The following LRRC8C variants were observed in gnomAD, a reference collection of about 807,000 sequenced individuals.
The protein encoded by LRRC8C is volume-regulated anion channel subunit LRRC8C.
A neutral mutation model predicts 55.3 loss-of-function variants in LRRC8C; 20 were observed. The ratio of observed to expected loss-of-function variants is 0.36; its 90% confidence interval spans 0.25 to 0.53. LRRC8C has a LOEUF of 0.53. Among genes scored for constraint, LRRC8C ranks in the 20% least tolerant of loss-of-function variants. The pLI, the probability that LRRC8C is intolerant of heterozygous loss-of-function variation, is 0.92. For synonymous variants in LRRC8C, 376 were observed against 360.7 expected (o/e 1.04, Z -0.48); for missense variants, 659 against 951.4 (o/e 0.69, Z 4.04).
intron 1 of LRRC8C, among the ~76,000 whole-genome samples, chr1:89,659,055 TTTTTTTTGTGTGTG>T (rs773971164): frequency 0.16 from 17,568 of 110,926 alleles, 1,745 homozygotes; most frequent in Middle Eastern, 0.26. Flanking sequence ...CAGGTTTTTT[TTTTTTTTGTGTGTG>T]TGTGTGTGTG....
At chr1:89,678,593 G>A (rs894528968) in intron 1 of LRRC8C, among the ~76,000 whole-genome samples, 2 of 151,888 alleles carry the variant, frequency 1.3e-5, no homozygotes, top group South Asian at 2.1e-4. Flanking sequence ...CCAGCTACTC[G>A]GGAGACTGAG....
intron 2 of LRRC8C, among the ~76,000 whole-genome samples, chr1:89,708,906 A>C (rs1423963014): frequency 6.6e-6 from 1 of 152,190 alleles, no homozygotes; most frequent in East Asian, 1.9e-4. Context: ...GTGTTCCCTC[A>C]GCAACATGAG....
chr1:89,683,625 G>C (rs1379354788), intron 1 of LRRC8C, among the ~76,000 whole-genome samples: 1 of 151,972 alleles, frequency 6.6e-6, no homozygotes, highest in East Asian at 1.9e-4. Flanking sequence ...CAAAGTGCTG[G>C]GATTACAGGT....
rs1286498371 is a variant in LRRC8C at position 89,639,161 on chromosome 1, C to G, written c.-5+5839C>G. On this transcript the variant is annotated intron_variant, in intron 1 of 2. Coordinates refer to ENST00000370454, the MANE Select transcript of LRRC8C (RefSeq NM_032270.5). The stretch of plus-strand genomic sequence containing the variant: ...CCACCACGTCTGGCTAATTTTTTGT[C>G]TTTTTAGTAGAGATAGGGTTTCACC... 2.6e-5 allele frequency among the ~76,000 whole-genome samples: 4 copies of G among 151,524 alleles called. No individual in the cohort carries two copies. In the East Asian group the frequency reaches 5.8e-4, roughly 22 times the overall value.
chr1:89,713,152 C>T lies in LRRC8C; in HGVS notation c.582C>T (p.Asn194=), dbSNP rs142399220. 77 of 1,614,064 alleles carry T rather than the reference C, an allele frequency of 4.8e-5. No individual in the cohort carries two copies. Among genetic ancestry groups the T allele is most frequent in the Middle Eastern group, 1.6e-4 (1 of 6,084 alleles). ...EEKDNRKNNM[N]RSNTIQSGPE... ...AGGACAACAGGAAGAACAACATGAACAGGTCCAACACCATCCAATCTGGTC... is the reference window on the plus strand; with the variant it reads ...AGGACAACAGGAAGAACAACATGAATAGGTCCAACACCATCCAATCTGGTC... The change falls in exon 3 of 3, where the codon AAC becomes AAT. Residue 194 remains asparagine, a synonymous_variant. Coordinates refer to ENST00000370454, the MANE Select transcript of LRRC8C (RefSeq NM_032270.5). The surrounding 1 kb of genome is among the most constrained non-coding windows in gnomAD (Gnocchi z 5.2).
chr1:89,699,951 A>G (rs769097987), intron 2 of LRRC8C, among the ~76,000 whole-genome samples: 43 of 152,210 alleles, frequency 2.8e-4, no homozygotes, highest in Admixed American at 1.4e-3. Flanking sequence ...AGTTAATTCT[A>G]TCACTGATGA....
In LRRC8C at chr1:89,709,711, T is replaced by G. The variant is rs868530325; in HGVS notation, c.139-2998T>G. On this transcript the variant is annotated intron_variant, in intron 2 of 2. Coordinates refer to ENST00000370454, the MANE Select transcript of LRRC8C (RefSeq NM_032270.5). ...TTGCTTTTACCTGATTCCTCTGTGT[T>G]TTTTTGTTTTGTTTTGTTTTTTGTG... 3.3e-5 allele frequency among the ~76,000 whole-genome samples: 5 copies of G among 151,922 alleles called. No homozygotes were observed. In the South Asian group the frequency reaches 1.0e-3, roughly 32 times the overall value.
intron 1 of LRRC8C, among the ~76,000 whole-genome samples, chr1:89,649,533 A>G (rs960805524): frequency 6.6e-6 from 1 of 151,666 alleles, no homozygotes; most frequent in African/African-American, 2.4e-5. Context: ...TTTTTTTAAG[A>G]TTTTCTTATT....
At chr1:89,662,219 T>C (rs1570704693) in intron 1 of LRRC8C, among the ~76,000 whole-genome samples, 1 of 152,218 alleles carries the variant, frequency 6.6e-6, no homozygotes, top group East Asian at 1.9e-4. Context: ...TGTTGGGTCA[T>C]ATTCAAAGCC....
At chr1:89,694,858 G>C (rs1658126943) in intron 2 of LRRC8C, among the ~76,000 whole-genome samples, 1 of 150,840 alleles carries the variant, frequency 6.6e-6, no homozygotes, top group Admixed American at 6.6e-5. Context: ...AAAGTGCTGG[G>C]AGCCCAGCCC....
intron 1 of LRRC8C, among the ~76,000 whole-genome samples, chr1:89,648,927 C>T (rs1440779250): frequency 4.6e-5 from 7 of 152,182 alleles, no homozygotes. Flanking sequence ...ACTTCTTTGT[C>T]AAATAATATT....
At position 89,719,176 on chromosome 1, in the gene LRRC8C, G is replaced by C. The variant is rs1658904730; in HGVS notation, c.*4194G>C. 6.6e-6 allele frequency: 1 copy of C among 152,098 alleles called. No individual in the cohort carries two copies. Among genetic ancestry groups the C allele is most frequent in the African/African-American group, 2.4e-5 (1 of 41,438 alleles). 9.4% of individuals were successfully genotyped at this position (152,098 alleles called of 1,614,324 possible). ...CCTTGAAAGGGGGGTATATAAATTT[G>C]GAAAACTTAATTTCTTGGCTGTGTT... On this transcript the variant is annotated 3_prime_UTR_variant, in exon 3 of 3. Transcript: ENST00000370454.
intron 1 of LRRC8C, among the ~76,000 whole-genome samples, chr1:89,668,910 T>G (rs1354207532): frequency 6.6e-6 from 1 of 152,228 alleles, no homozygotes; most frequent in East Asian, 1.9e-4. Context: ...TTTTTGTTTC[T>G]TCTGTTTTTA....
At chr1:89,633,076 G>C (rs1656158777), upstream of LRRC8C, 1 of 152,162 alleles carries the variant, frequency 6.6e-6, no homozygotes, top group Non-Finnish European at 1.5e-5. Context: ...GGCTCCGTCC[G>C]CGGCCGGGGA....
rs539832243 is a variant in LRRC8C, at chr1:89,703,163, A to G, written c.139-9546A>G. 2.1e-3 allele frequency among the ~76,000 whole-genome samples: 315 copies of G among 152,358 alleles called. 3 individuals carry two copies. The highest frequency in any genetic ancestry group is 7.1e-3 in the African/African-American group (295 of 41,572). On this transcript the variant is annotated intron_variant, in intron 2 of 2. Transcript: ENST00000370454. Reference sequence around the variant, plus strand: ...ATTCAAAATTAAAGTGAACCTGCAGAAAATCCTGAGACTAAAGGTAAAATC... The same window carrying G: ...ATTCAAAATTAAAGTGAACCTGCAGGAAATCCTGAGACTAAAGGTAAAATC...
chr1:89,661,883 G>T (rs1457188290), intron 1 of LRRC8C, among the ~76,000 whole-genome samples: 1 of 66,970 alleles, frequency 1.5e-5, no homozygotes, highest in Non-Finnish European at 3.4e-5. Flanking sequence ...TGGACCAGAG[G>T]AGTAGTGATA....
intron 1 of LRRC8C, among the ~76,000 whole-genome samples, chr1:89,674,379 G>A (rs1657500115): frequency 6.6e-6 from 1 of 152,194 alleles, no homozygotes; most frequent in South Asian, 2.1e-4. Context: ...TAGATATTTA[G>A]CTCTGCTGTG....
At chr1:89,623,732 G>T in the LRRC8C span, among the ~76,000 whole-genome samples, 5 of 151,690 alleles carry the variant, frequency 3.3e-5, no homozygotes, top group East Asian at 9.7e-4. Flanking sequence ...AAAAAAAAAA[G>T]AAAAATGCCA....
intron 2 of LRRC8C, among the ~76,000 whole-genome samples, chr1:89,688,330 GA>G: frequency 6.6e-6 from 1 of 152,056 alleles, no homozygotes; most frequent in East Asian, 1.9e-4. Context: ...CAACGAAGGA[GA>G]AAAAAGACAA....
Sources: allele counts gnomAD v4.1 joint callset (sites outside exome capture counted in the v4.1 genomes callset), GRCh38; gene constraint gnomAD v4.1.1; non-coding constraint Gnocchi (gnomAD v3.1); transcripts MANE v1.5; gene names NCBI Gene and HGNC (gene_info 2026-07-23, HGNC 2026-07-21).